The following ADGRA3 variants were observed in gnomAD, a reference collection of about 807,000 sequenced individuals.
ADGRA3 encodes adhesion G protein-coupled receptor A3, also known as G-protein coupled receptor 125.
In ADGRA3, 56 loss-of-function variants were observed where a neutral mutation model predicts 119.8. The ratio of observed to expected loss-of-function variants is 0.47; its 90% CI spans 0.38 to 0.58. ADGRA3 has a LOEUF of 0.58. Ranked by LOEUF, ADGRA3 falls within the 20% of genes least tolerant of loss-of-function variation. The probability of loss-of-function intolerance (pLI) is 0.00; values close to 1 mark genes in which losing one functional copy is unlikely to be tolerated. For synonymous variants in ADGRA3, 607 were observed against 623.8 expected, an observed-to-expected ratio of 0.97 and a Z score of 0.40; for missense variants, 1,516 against 1,649.0, an observed-to-expected ratio of 0.92 and a Z score of 1.40.
Position 22,442,779 on chromosome 4 carries a change from C to A in ADGRA3, c.791G>T (p.Cys264Phe), listed in dbSNP as rs754083729. 2 of 1,611,588 alleles carry A rather than the reference C, an allele frequency of 1.2e-6. No individual in the cohort carries two copies. The highest frequency in any genetic ancestry group is 1.7e-5 in the Admixed American group (1 of 59,956). ...GTCCTGATCAATATATGAAGCCATG[C>A]ACTGGAAAGGAAGGCTGTCTCCTTC... ...VFEGDSLPFQ[C>F]MASYIDQDMQ... Residue 264 changes from cysteine to phenylalanine, a missense_variant, in exon 7 of 19, where the codon TGC (cysteine) becomes TTC (phenylalanine). Around this residue, in one of 2 missense-constraint regions of ADGRA3, gnomAD observed 428 missense variants for 541.9 expected, o/e 0.79. Coordinates refer to ENST00000334304, the MANE Select transcript of ADGRA3 (RefSeq NM_145290.4).
At chr4:22,492,441 C>G (rs2109151230) in intron 1 of ADGRA3, among the ~76,000 whole-genome samples, 1 of 152,246 alleles carries the variant, frequency 6.6e-6, no homozygotes, top group South Asian at 2.1e-4. Flanking sequence ...TATTTAATTA[C>G]AAAGATTTAC....
chr4:22,395,967 G>C (rs2007693), intron 16 of ADGRA3, among the ~76,000 whole-genome samples: 5,553 of 152,160 alleles, frequency 0.036, 353 homozygotes, highest in African/African-American at 0.13. Context: ...ACAAGGGTGG[G>C]TGGCACTACA....
intron 1 of ADGRA3, among the ~76,000 whole-genome samples, chr4:22,502,644 C>A (rs1719088984): frequency 6.6e-6 from 1 of 151,120 alleles, no homozygotes; most frequent in Non-Finnish European, 1.5e-5. Context: ...AGAAACATCA[C>A]AAACTGGGAG....
intron 16 of ADGRA3, among the ~76,000 whole-genome samples, chr4:22,397,556 T>C (rs1383833656): frequency 2.0e-5 from 3 of 152,144 alleles, no homozygotes; most frequent in Non-Finnish European, 4.4e-5. Flanking sequence ...GGAATTTTAG[T>C]AAGGACCTGA....
intron 12 of ADGRA3, among the ~76,000 whole-genome samples, chr4:22,416,633 G>A (rs924437554): frequency 3.3e-5 from 5 of 152,280 alleles, no homozygotes; most frequent in African/African-American, 9.6e-5. Flanking sequence ...GTGGAAGATG[G>A]TTATCTGGGG....
chr4:22,474,174 T>C (rs1004842591), intron 1 of ADGRA3, among the ~76,000 whole-genome samples: 1 of 152,232 alleles, frequency 6.6e-6, no homozygotes, highest in African/African-American at 2.4e-5. Flanking sequence ...AATCATATTA[T>C]GCAAGTTGAA....
chr4:22,507,019 C>A (rs185062031), intron 1 of ADGRA3, among the ~76,000 whole-genome samples: 5 of 151,904 alleles, frequency 3.3e-5, no homozygotes, highest in African/African-American at 9.7e-5. Flanking sequence ...GGGCGGATCA[C>A]GAGGTCAGGA....
At chr4:22,497,390 C>A (rs1202978942) in intron 1 of ADGRA3, among the ~76,000 whole-genome samples, 1 of 151,980 alleles carries the variant, frequency 6.6e-6, no homozygotes, top group Non-Finnish European at 1.5e-5. Context: ...GACATGACAC[C>A]CTGCAGGTTC....
At chr4:22,422,045 G>A (rs1339366842) in intron 11 of ADGRA3, among the ~76,000 whole-genome samples, 1 of 152,110 alleles carries the variant, frequency 6.6e-6, no homozygotes, top group Non-Finnish European at 1.5e-5. Context: ...CATACAACCT[G>A]TCAATACAGA....
intron 1 of ADGRA3, among the ~76,000 whole-genome samples, chr4:22,480,729 G>T (rs1289818667): frequency 2.0e-5 from 3 of 152,130 alleles, no homozygotes; most frequent in Non-Finnish European, 4.4e-5. Flanking sequence ...GCTAATTGCT[G>T]TATACTTACG....
At chr4:22,402,474 A>G (rs1050067256) in intron 15 of ADGRA3, among the ~76,000 whole-genome samples, 2 of 152,156 alleles carry the variant, frequency 1.3e-5, no homozygotes, top group Admixed American at 1.3e-4. Flanking sequence ...TGGATGCTGT[A>G]AAAACAGAAT....
intron 2 of ADGRA3, among the ~76,000 whole-genome samples, chr4:22,469,189 C>T (rs1390779440): frequency 6.6e-6 from 1 of 152,182 alleles, no homozygotes; most frequent in African/African-American, 2.4e-5. Context: ...GCACACTCTA[C>T]TGAAAACCGA....
chr4:22,504,127 C>A (rs1719152104), intron 1 of ADGRA3, among the ~76,000 whole-genome samples: 1 of 151,672 alleles, frequency 6.6e-6, no homozygotes, highest in African/African-American at 2.4e-5. Context: ...GTGTGATACC[C>A]AATTCTACAC....
chr4:22,470,164 A>T (rs1428469352), intron 2 of ADGRA3, among the ~76,000 whole-genome samples: 2 of 152,172 alleles, frequency 1.3e-5, no homozygotes, highest in East Asian at 3.9e-4. Flanking sequence ...ATATGATACA[A>T]TACATATGCA....
chr4:22,408,603 C>T (rs9790848), intron 14 of ADGRA3, among the ~76,000 whole-genome samples: 122,744 of 152,048 alleles, frequency 0.81, 49,712 homozygotes, highest in East Asian at 0.98. Flanking sequence ...TACATCACAA[C>T]ACTACCACCA....
chr4:22,413,510 G>A lies in ADGRA3; in HGVS notation c.2023+91C>T, dbSNP rs1307046412. 20 of 1,403,192 alleles carry A rather than the reference G, an allele frequency of 1.4e-5. No individual in the cohort carries two copies. The East Asian group carries it at 1.8e-4, about 13-fold the overall frequency. 86.9% of individuals were successfully genotyped at this position (1,403,192 alleles called of 1,614,324 possible). A position where few individuals can be genotyped will look rare whatever the true frequency, so the allele number is the denominator to read the frequency against. On this transcript the variant is annotated intron_variant, in intron 13 of 18. Coordinates refer to ENST00000334304, the MANE Select transcript of ADGRA3 (RefSeq NM_145290.4). The stretch of plus-strand genomic sequence containing the variant: ...TTCTTCACTAGTGACTCATTAAAAC[G>A]AGAAAACACTAAAATAAGCATTTTT...
At chr4:22,482,850 G>C (rs1305060889) in intron 1 of ADGRA3, among the ~76,000 whole-genome samples, 1 of 152,228 alleles carries the variant, frequency 6.6e-6, no homozygotes, top group Non-Finnish European at 1.5e-5. Flanking sequence ...CTACTCAGCT[G>C]TCTTTCTAAA....
intron 1 of ADGRA3, among the ~76,000 whole-genome samples, chr4:22,513,694 T>A (rs1283953524): frequency 6.7e-6 from 1 of 148,178 alleles, no homozygotes; most frequent in Non-Finnish European, 1.5e-5. Flanking sequence ...GTATTTTTAG[T>A]AGAGACAGGG....
intron 3 of ADGRA3, among the ~76,000 whole-genome samples, chr4:22,461,233 C>A (rs1717438861): frequency 6.6e-6 from 1 of 152,238 alleles, no homozygotes; most frequent in Admixed American, 6.5e-5. Flanking sequence ...AGTAACACAG[C>A]CATCCACCAC....
Sources: allele counts gnomAD v4.1 joint callset (sites outside exome capture counted in the v4.1 genomes callset), GRCh38; gene constraint gnomAD v4.1.1; regional missense constraint gnomAD v4.1.1; transcripts MANE v1.5; gene names NCBI Gene and HGNC (gene_info 2026-07-23, HGNC 2026-07-21).